TRPM7: variants seen among roughly 807,000 people sequenced by gnomAD.
TRPM7 encodes the protein LTRPC ion channel family member 7.
In TRPM7, 134 loss-of-function variants were observed where a neutral mutation model predicts 229.7. The observed-to-expected ratio is 0.58, with a 90% CI of 0.51 to 0.67. TRPM7 has a LOEUF of 0.67. TRPM7 is among the 30% of genes least tolerant of loss of function. TRPM7 has a pLI of 0.00. For synonymous variants in TRPM7, 699 were observed against 715.2 expected, an observed-to-expected ratio of 0.98 and a Z score of 0.36; for missense variants, 1,901 against 2,210.0, an observed-to-expected ratio of 0.86 and a Z score of 2.80.
chr15:50,677,393 A>T (rs1310092305), intron 1 of TRPM7, among the ~76,000 whole-genome samples: 1 of 151,976 alleles, frequency 6.6e-6, no homozygotes, highest in African/African-American at 2.4e-5. Flanking sequence ...GGGAGATCAC[A>T]TTCAGTACAT....
chr15:50,640,076 G>C (rs1596281429), intron 5 of TRPM7, among the ~76,000 whole-genome samples: 1 of 152,052 alleles, frequency 6.6e-6, no homozygotes, highest in African/African-American at 2.4e-5. Context: ...GTCCGTTTTT[G>C]CATTTCTCCT....
At chr15:50,602,478 C>T (rs1453409015) in intron 21 of TRPM7, among the ~76,000 whole-genome samples, 1 of 152,156 alleles carries the variant, frequency 6.6e-6, no homozygotes, top group African/African-American at 2.4e-5. Flanking sequence ...TGCATGTATA[C>T]CTATGTAAAT....
intron 28 of TRPM7, among the ~76,000 whole-genome samples, chr15:50,585,356 C>T (rs779016692): frequency 6.6e-6 from 1 of 152,214 alleles, no homozygotes; most frequent in Non-Finnish European, 1.5e-5. Context: ...AGCCACCTGG[C>T]CCACTCTACC....
chr15:50,604,162 A>C (rs2059857058), intron 21 of TRPM7: 1 of 152,274 alleles, frequency 6.6e-6, no homozygotes, highest in African/African-American at 2.4e-5. Flanking sequence ...ATTCAACTTG[A>C]CATCTAGATT....
rs567326477 is a variant in TRPM7 at position 50,611,040 on chromosome 15, C to A, written c.2280+53G>T. The A allele has an allele frequency of 2.1e-6, 3 of 1,404,492 alleles. No individual in the cohort carries two copies. In the African/African-American group the frequency reaches 4.3e-5, roughly 20 times the overall value. 87.0% of individuals were successfully genotyped at this position (1,404,492 alleles called of 1,614,324 possible). A position where few individuals can be genotyped will look rare whatever the true frequency, so the allele number is the denominator to read the frequency against. On this transcript the variant is annotated intron_variant, in intron 17 of 38. Coordinates refer to ENST00000646667, the MANE Select transcript of TRPM7 (RefSeq NM_017672.6). ...TTACTACACATTTAGACTAATTCTT[C>A]TGTTCTTTTTATCTAATCACATGCT...
At chr15:50,628,386 C>A (rs2060630068) in intron 10 of TRPM7, 137 bp from the exon 11 acceptor site, 1 of 590,480 alleles carries the variant, frequency 1.7e-6, no homozygotes, top group Admixed American at 3.2e-5. Context: ...TGGCTCACTG[C>A]AGCCTTGAAT....
At position 50,596,268 on chromosome 15, in the gene TRPM7, T is replaced by C. The variant is rs779147475; in HGVS notation, c.3277A>G (p.Ile1093Val). ...CAAAATTCTTACTTGAAAAATGCAA[T>C]AAGAAGATTAACCATAATGATATAC... Reference protein sequence around the residue: ...VQYIIMVNLLIAFFNNVYLQV... With the variant: ...VQYIIMVNLLVAFFNNVYLQV... Residue 1093 changes from isoleucine to valine, a missense_variant, in exon 23 of 39, where the codon ATT (isoleucine) becomes GTT (valine). Ile to Val is a conservative substitution (Grantham distance 29, BLOSUM62 3). Coordinates refer to ENST00000646667, the MANE Select transcript of TRPM7 (RefSeq NM_017672.6). The C allele has an allele frequency of 6.6e-6, 10 of 1,518,802 alleles. No individual in the cohort carries two copies. The highest frequency in any genetic ancestry group is 8.0e-6 in the Non-Finnish European group (9 of 1,131,874). 94.1% of individuals were successfully genotyped at this position (1,518,802 alleles called of 1,614,324 possible). A position where few individuals can be genotyped will look rare whatever the true frequency, so the allele number is the denominator to read the frequency against.
In TRPM7 at chr15:50,586,434, T is replaced by C. The variant is rs1440587830; in HGVS notation, c.4444A>G (p.Thr1482Ala). The C allele has an allele frequency of 1.9e-6, 3 of 1,613,356 alleles. No homozygotes were observed. In the South Asian group the frequency reaches 3.3e-5, roughly 18 times the overall value. ...LKRVSSLAGF[T>A]DCHRTSIPVH... ...GGAATGGAAGTTCTGTGACAGTCAG[T>C]AAATCCAGCAAGAGAACTCACTCGT... The change falls in exon 28 of 39, where the codon ACT becomes GCT. Residue 1482 changes from threonine (T) to alanine (A), a missense_variant. Physicochemically the swap from Thr to Ala is moderately conservative, Grantham distance 58. Transcript: ENST00000646667.
In TRPM7 at chr15:50,559,497, C is replaced by CAAACAAAACA. The variant is rs139381412; in HGVS notation, c.*2171_*2180dup. 0.023 allele frequency: 3,480 copies of CAAACAAAACA among 149,680 alleles called. 136 individuals are homozygous for CAAACAAAACA. The highest frequency in any genetic ancestry group is 0.071 in the African/African-American group (2,876 of 40,412). The allele number at this position is 149,680 out of a possible 1,614,324, so 9.3% of individuals were successfully genotyped here. ...CATGAGCCACCATGCCCCACCAAGA[C>CAAACAAAACA]AAACAAAACAAAACAAAACAAAACA... On this transcript the variant is annotated 3_prime_UTR_variant, in exon 39 of 39. Coordinates refer to ENST00000646667, the MANE Select transcript of TRPM7 (RefSeq NM_017672.6).
intron 20 of TRPM7, among the ~76,000 whole-genome samples, chr15:50,606,644 G>A (rs1157311916): frequency 6.6e-6 from 1 of 151,904 alleles, no homozygotes; most frequent in Non-Finnish European, 1.5e-5. Flanking sequence ...GATTACAGGT[G>A]GCCGCCACCA....
At chr15:50,637,307 T>C (rs1371101094) in intron 7 of TRPM7, 115 bp downstream of exon 7, 5 of 945,406 alleles carry the variant, frequency 5.3e-6, no homozygotes, top group Non-Finnish European at 7.8e-6. Flanking sequence ...TTGTTTCATA[T>C]GTTATCTTGC....
chr15:50,569,060 AT>A (rs1827494691), intron 38 of TRPM7, among the ~76,000 whole-genome samples: 1 of 152,030 alleles, frequency 6.6e-6, no homozygotes, highest in Non-Finnish European at 1.5e-5. Context: ...TTTAAATTTA[AT>A]TTTTAAAAGA....
chr15:50,575,586 C>T lies in TRPM7; in HGVS notation c.4735+138G>A, dbSNP rs2054092802. ...TTCTTCTATTCAAACATACCTCACC[C>T]TTGTGGTAGTCAGATTAATCAAGAA... On this transcript the variant is annotated intron_variant, in intron 33 of 38. Coordinates refer to ENST00000646667, the MANE Select transcript of TRPM7 (RefSeq NM_017672.6). 3 of 741,576 alleles carry T rather than the reference C, an allele frequency of 4.0e-6. No individual in the cohort carries two copies. The Admixed American group carries it at 9.0e-5, about 22-fold the overall frequency. 45.9% of individuals were successfully genotyped at this position (741,576 alleles called of 1,614,324 possible).
chr15:50,644,460 T>A (rs1383568737), intron 4 of TRPM7, among the ~76,000 whole-genome samples: 12 of 152,122 alleles, frequency 7.9e-5, no homozygotes, highest in Non-Finnish European at 1.5e-5. Context: ...TATTTCCCAT[T>A]CCTTTACAAA....
chr15:50,656,096 G>C (rs1362256230), intron 3 of TRPM7, among the ~76,000 whole-genome samples: 1 of 151,448 alleles, frequency 6.6e-6, no homozygotes, highest in Non-Finnish European at 1.5e-5. Flanking sequence ...GAAAATAAAA[G>C]AAATATATTT....
At chr15:50,564,483 A>G (rs954085683) in intron 38 of TRPM7, among the ~76,000 whole-genome samples, 1 of 151,826 alleles carries the variant, frequency 6.6e-6, no homozygotes, top group Non-Finnish European at 1.5e-5. Context: ...GCAGAACTGG[A>G]AACAATGCAG....
rs2060496644 is a variant in TRPM7, at chr15:50,624,232, A to G, written c.1374T>C (p.Leu458=). ...TATGCATGCTTACTCCATTTTCAAT[A>G]AGAAGTTTTACAAATGCAACTCTAT... is the stretch of plus-strand genomic sequence containing the variant. ...VMDRVAFVKL[L]IENGVSMHKF... Residue 458 remains leucine, a synonymous_variant, in exon 12 of 39, where the codon CTT becomes CTC. Coordinates refer to ENST00000646667, the MANE Select transcript of TRPM7 (RefSeq NM_017672.6). 6.2e-7 allele frequency: 1 copy of G among 1,613,170 alleles called. No individual in the cohort carries two copies. The highest frequency in any genetic ancestry group is 1.3e-5 in the African/African-American group (1 of 75,022).
In TRPM7 at chr15:50,574,476, G is replaced by A. The variant is rs757521044; in HGVS notation, c.5106C>T (p.Phe1702=). 5 of 1,608,130 alleles carry A rather than the reference G, an allele frequency of 3.1e-6. No homozygotes were observed. In the Admixed American group the frequency reaches 8.5e-5, roughly 27 times the overall value. Residue 1702 remains phenylalanine, a synonymous_variant, in exon 36 of 39, where the codon TTC becomes TTT. Transcript: ENST00000646667. Reference sequence around the variant, plus strand: ...GGCAATACAGCAGGAAAACTTCAAGGAACCTTATAAAAAATAGTTATAAAT... The same window carrying A: ...GGCAATACAGCAGGAAAACTTCAAGAAACCTTATAAAAAATAGTTATAAAT... ...KPKSIPYSPR[F]LEVFLLYCHS...
In TRPM7 at chr15:50,593,651, C is replaced by T. The variant is rs2059560846; in HGVS notation, c.3574G>A (p.Gly1192Arg). 1 of 1,612,012 alleles carries T rather than the reference C, an allele frequency of 6.2e-7. No individual in the cohort carries two copies. Among genetic ancestry groups the T allele is most frequent in the Non-Finnish European group, 8.5e-7 (1 of 1,179,396 alleles). The stretch of plus-strand genomic sequence containing the variant: ...GTGACACGAATTCTCTCTTCACTCC[C>T]AGAATGAAATTTGTCATCTTTTTCA... ...FNEKDDKFHS[G>R]SEERIRVTFE... The change falls in exon 25 of 39, where the codon GGG becomes AGG. Residue 1192 changes from glycine (G) to arginine (R), a missense_variant. Transcript: ENST00000646667.
Sources: allele counts gnomAD v4.1 joint callset (sites outside exome capture counted in the v4.1 genomes callset), GRCh38; gene constraint gnomAD v4.1.1; transcripts MANE v1.5; gene names NCBI Gene and HGNC (gene_info 2026-07-23, HGNC 2026-07-21).